GPR37: variants seen among roughly 807,000 people sequenced by gnomAD.
GPR37 encodes the protein prosaposin receptor GPR37.
In GPR37, 20 loss-of-function variants were observed where a neutral mutation model predicts 43.6. The ratio of observed to expected loss-of-function variants is 0.46; its 90% CI spans 0.32 to 0.67. GPR37 has a LOEUF of 0.67. Among genes scored for constraint, GPR37 ranks in the 30% least tolerant of loss-of-function variants. The probability of loss-of-function intolerance (pLI) is 0.03; values close to 1 mark genes in which losing one functional copy is unlikely to be tolerated. For missense variants in GPR37, 724 were observed against 797.2 expected, an observed-to-expected ratio of 0.91 and a Z score of 1.11; for synonymous variants, 315 against 322.6, an observed-to-expected ratio of 0.98 and a Z score of 0.25.
At chr7:124,749,809 A>G (rs1336897323) in intron 1 of GPR37, among the ~76,000 whole-genome samples, 1 of 152,154 alleles carries the variant, frequency 6.6e-6, no homozygotes, top group East Asian at 1.9e-4. Flanking sequence ...GTGCAGATAA[A>G]GAGGCACAAT....
rs1412855916 is a variant in GPR37, at chr7:124,765,473, C to G, written c.-497G>C. 1 of 153,736 alleles carries G rather than the reference C, an allele frequency of 6.5e-6. No homozygotes were observed. The highest frequency in any genetic ancestry group is 1.4e-5 in the Non-Finnish European group (1 of 69,174). The allele number at this position is 153,736 out of a possible 1,614,324, so 9.5% of individuals were successfully genotyped here. ...AAAAGAAAAACAAGTCCCCCTCCCC[C>G]AGACGACTCGCAGTCACAACCCCGC... On this transcript the variant is annotated 5_prime_UTR_variant, in exon 1 of 2. Transcript: ENST00000303921.
At chr7:124,750,002 T>C (rs1793714313) in intron 1 of GPR37, among the ~76,000 whole-genome samples, 1 of 152,174 alleles carries the variant, frequency 6.6e-6, no homozygotes. Flanking sequence ...TTTGCGTCTA[T>C]GCTAGAGGCA....
At position 124,745,278 on chromosome 7, in the gene GPR37, T is replaced by C. The variant is rs571700736; in HGVS notation, c.*1247A>G. ...AAAGACATCCAACTACACATCTTCT[T>C]TGGTAGCTTTTAAATATCACTGTGT... On this transcript the variant is annotated 3_prime_UTR_variant, in exon 2 of 2. Transcript: ENST00000303921. Among the ~76,000 whole-genome samples the C allele has an allele frequency of 1.3e-5, 2 of 152,302 alleles. No homozygotes were observed. Among genetic ancestry groups the C allele is most frequent in the Admixed American group, 6.5e-5 (1 of 15,292 alleles).
Position 124,747,263 on chromosome 7 carries a change from C to T in GPR37, c.1104G>A (p.Met368Ile), listed in dbSNP as rs753635976. ...AACAGTTTTCGATCATTTCGTAGTACATCTGTACGTTGGTGGCAGCACGGA... is the reference window on the plus strand; with the variant it reads ...AACAGTTTTCGATCATTTCGTAGTATATCTGTACGTTGGTGGCAGCACGGA... ...DRFRAATNVQ[M>I]YYEMIENCSS... The change falls in exon 2 of 2, where the codon ATG becomes ATA. Residue 368 changes from methionine to isoleucine, a missense_variant. By Grantham distance (10) the Met-to-Ile change is conservative. This residue lies in a region of GPR37 where 342 missense variants were observed against 441.8 expected (regional missense o/e 0.77). Transcript: ENST00000303921. The T allele has an allele frequency of 6.2e-6, 10 of 1,613,710 alleles. No homozygotes were observed. The highest frequency in any genetic ancestry group is 1.1e-5 in the South Asian group (1 of 91,076).
intron 1 of GPR37, among the ~76,000 whole-genome samples, chr7:124,762,980 T>C (rs185850039): frequency 2.0e-5 from 3 of 152,158 alleles, no homozygotes; most frequent in African/African-American, 7.2e-5. Flanking sequence ...AGCAAAACAG[T>C]TGGGCCCCTT....
intron 1 of GPR37, among the ~76,000 whole-genome samples, chr7:124,758,402 C>T (rs931249672): frequency 1.3e-5 from 2 of 152,302 alleles, no homozygotes; most frequent in African/African-American, 4.8e-5. Context: ...CTATTAGTAA[C>T]TTTAAAATTG....
intron 1 of GPR37, among the ~76,000 whole-genome samples, chr7:124,756,589 G>T (rs773249985): frequency 2.9e-4 from 44 of 152,316 alleles, no homozygotes; most frequent in Admixed American, 1.6e-3. Context: ...CTGGCACAAA[G>T]AGTATTATTC....
At chr7:124,762,481 A>AT (rs1250325260) in intron 1 of GPR37, among the ~76,000 whole-genome samples, 4 of 112,388 alleles carry the variant, frequency 3.6e-5, no homozygotes, top group African/African-American at 1.4e-4. Flanking sequence ...ATTTCTTCTG[A>AT]TAAAAAAAAA....
chr7:124,762,021 G>T (rs1034552089), intron 1 of GPR37, among the ~76,000 whole-genome samples: 1 of 151,924 alleles, frequency 6.6e-6, no homozygotes, highest in African/African-American at 2.4e-5. Context: ...GAAAAGTTAA[G>T]CAAAAATACA....
chr7:124,759,229 G>A (rs529080923), intron 1 of GPR37, among the ~76,000 whole-genome samples: 1 of 152,038 alleles, frequency 6.6e-6, no homozygotes, highest in South Asian at 2.1e-4. Flanking sequence ...ACCACATCCC[G>A]TTAATTTTTG....
Position 124,746,889 on chromosome 7 carries a change from G to C in GPR37, c.1478C>G (p.Thr493Arg). The change falls in exon 2 of 2, where the codon ACA (threonine) becomes AGA (arginine). Residue 493 changes from threonine to arginine, a missense_variant. Transcript: ENST00000303921. Reference sequence around the variant, plus strand: ...ATATAAAATGGTCAGTGCCACTACTGTACAGTTCATCTGACTCTCTAGTTG... The same window carrying C: ...ATATAAAATGGTCAGTGCCACTACTCTACAGTTCATCTGACTCTCTAGTTG... Reference protein sequence around the residue: ...QIQLESQMNCTVVALTILYGF... With the variant: ...QIQLESQMNCRVVALTILYGF... 6.2e-7 allele frequency: 1 copy of C among 1,614,054 alleles called. No individual in the cohort carries two copies. The highest frequency in any genetic ancestry group is 8.5e-7 in the Non-Finnish European group (1 of 1,179,940).
intron 1 of GPR37, among the ~76,000 whole-genome samples, chr7:124,751,947 G>A (rs1321365103): frequency 2.0e-5 from 3 of 151,988 alleles, no homozygotes; most frequent in Non-Finnish European, 1.5e-5. Flanking sequence ...AGATCAGCGG[G>A]AAAATAGAAA....
At chr7:124,757,950 A>C (rs1793809577) in intron 1 of GPR37, among the ~76,000 whole-genome samples, 1 of 152,228 alleles carries the variant, frequency 6.6e-6, no homozygotes, top group African/African-American at 2.4e-5. Context: ...ATAATAAATT[A>C]TTCAAATTGT....
At chr7:124,761,334 C>T (rs1793848761) in intron 1 of GPR37, among the ~76,000 whole-genome samples, 1 of 152,172 alleles carries the variant, frequency 6.6e-6, no homozygotes, top group Admixed American at 6.5e-5. Context: ...ATCCACCCAA[C>T]TCAAGGTTAT....
Position 124,764,267 on chromosome 7 carries a change from C to A in GPR37, c.710G>T (p.Arg237Leu). ...EGIHEPGGPR[R>L]GNSTNRRVRL... ...CACACGCCGGTTCGTGCTGTTTCCC[C>A]GGCGGGGACCCCCAGGCTCATGGAT... Residue 237 changes from arginine (R) to leucine (L), a missense_variant, in exon 1 of 2, where the codon CGG (arginine) becomes CTG (leucine). Around this residue, in one of 2 missense-constraint regions of GPR37, gnomAD observed 382 missense variants for 355.4 expected, o/e 1.07. Transcript: ENST00000303921. The surrounding 1 kb of genome is among the most constrained non-coding windows in gnomAD (Gnocchi z 5.4). 2 of 1,598,590 alleles carry A rather than the reference C, an allele frequency of 1.3e-6. No homozygotes were observed. The highest frequency in any genetic ancestry group is 1.7e-6 in the Non-Finnish European group (2 of 1,172,648).
rs1793897779 is a variant in GPR37 at position 124,764,821 on chromosome 7, G to A, written c.156C>T (p.Arg52=). ...ESCAPTVIQR[R]GRDAWGPGNS... ...TTCCCGGTCCCCAGGCGTCCCTGCC[G>A]CGGCGCTGGATCACTGTAGGTGCAC... The change falls in exon 1 of 2, where the codon CGC becomes CGT. Residue 52 remains arginine (R), a synonymous_variant. Transcript: ENST00000303921. The surrounding 1 kb of genome is among the most constrained non-coding windows in gnomAD (Gnocchi z 5.4). 3 of 1,613,588 alleles carry A rather than the reference G, an allele frequency of 1.9e-6. No homozygotes were observed. The highest frequency in any genetic ancestry group is 1.3e-5 in the African/African-American group (1 of 74,946).
rs570582238 is a variant in GPR37, at chr7:124,748,887, G to A, written c.1024-1544C>T. On this transcript the variant is annotated intron_variant, in intron 1 of 1. Transcript: ENST00000303921. ...AGGAATATAAACACATGTTCCTAAT[G>A]TAAGCATGCTATCATTTCATTTACT... Among the ~76,000 whole-genome samples the A allele has an allele frequency of 2.6e-5, 4 of 151,914 alleles. No homozygotes were observed. In the East Asian group the frequency reaches 7.8e-4, roughly 29 times the overall value.
In GPR37 at chr7:124,764,903, G is replaced by A. The variant is rs760637240; in HGVS notation, c.74C>T (p.Ser25Phe). The A allele has an allele frequency of 6.2e-7, 1 of 1,601,048 alleles. No individual in the cohort carries two copies. The highest frequency in any genetic ancestry group is 8.5e-7 in the Non-Finnish European group (1 of 1,174,598). The change falls in exon 1 of 2, where the codon TCT becomes TTT. Residue 25 changes from serine (S) to phenylalanine (F), a missense_variant. Physicochemically the swap from Ser to Phe is radical, Grantham distance 155. Coordinates refer to ENST00000303921, the MANE Select transcript of GPR37 (RefSeq NM_005302.5). This position sits in a 1 kb window ranked among gnomAD's most constrained non-coding sequence, Gnocchi z 5.4. The stretch of plus-strand genomic sequence containing the variant: ...CGCAGGGGCGACCCCGAGGGCAGAA[G>A]AGGCAGACACCTTGAGCAGTAGCAG... ...LLLLLLKVSA[S>F]SALGVAPASR...
chr7:124,750,984 T>C (rs532020412), intron 1 of GPR37, among the ~76,000 whole-genome samples: 20 of 152,168 alleles, frequency 1.3e-4, no homozygotes, highest in Non-Finnish European at 2.6e-4. Flanking sequence ...AGTCAAAAGC[T>C]CAAACATACA....
Sources: allele counts gnomAD v4.1 joint callset (sites outside exome capture counted in the v4.1 genomes callset), GRCh38; gene constraint gnomAD v4.1.1; regional missense constraint gnomAD v4.1.1; non-coding constraint Gnocchi (gnomAD v3.1); transcripts MANE v1.5; gene names NCBI Gene and HGNC (gene_info 2026-07-23, HGNC 2026-07-21).